The following RBFOX1 variants were observed in gnomAD, a reference collection of about 807,000 sequenced individuals.
RBFOX1 encodes the protein RNA binding fox-1 homolog 1, also known as RNA binding protein fox-1 homolog 1.
Under a neutral mutation model 57.7 loss-of-function variants are expected in RBFOX1, and 8 were observed. The ratio of observed to expected loss-of-function variants is 0.14; its 90% CI spans 0.08 to 0.25. RBFOX1 has a LOEUF of 0.25. Ranked by LOEUF, RBFOX1 falls within the 10% of genes least tolerant of loss-of-function variation. RBFOX1 has a pLI of 1.00. For synonymous variants in RBFOX1, 326 were observed against 222.4 expected, an observed-to-expected ratio of 1.47 and a Z score of -4.15; for missense variants, 611 against 548.5, an observed-to-expected ratio of 1.11 and a Z score of -1.14.
intron 3 of RBFOX1, among the ~76,000 whole-genome samples, chr16:6,921,114 G>C (rs1033469595): frequency 1.3e-5 from 2 of 152,108 alleles, no homozygotes; most frequent in Non-Finnish European, 2.9e-5. Flanking sequence ...CCATTGATAA[G>C]TTTCCTAAAC....
chr16:6,405,387 G>A (rs1168706386), intron 2 of RBFOX1, among the ~76,000 whole-genome samples: 1 of 152,210 alleles, frequency 6.6e-6, no homozygotes, highest in Non-Finnish European at 1.5e-5. Context: ...TATGTCCAGT[G>A]TTGGGCATTG....
intron 5 of RBFOX1, among the ~76,000 whole-genome samples, chr16:7,546,157 T>C (rs2084454217): frequency 6.6e-6 from 1 of 151,700 alleles, no homozygotes; most frequent in Non-Finnish European, 1.5e-5. Context: ...TGAAACCCTG[T>C]CTCTACTAAA....
At chr16:5,898,061 C>T (rs375074700) in intron 4 of RBFOX1, among the ~76,000 whole-genome samples, 1 of 152,008 alleles carries the variant, frequency 6.6e-6, no homozygotes, top group Non-Finnish European at 1.5e-5. Flanking sequence ...ACTGGGTAGG[C>T]CTCAGGAATC....
chr16:5,823,319 A>T (rs1374207195), intron 3 of RBFOX1, among the ~76,000 whole-genome samples: 1 of 152,202 alleles, frequency 6.6e-6, no homozygotes, highest in Non-Finnish European at 1.5e-5. Context: ...AAATAACTGA[A>T]TACCAGATGG....
chr16:5,792,329 A>T (rs1249287537), intron 3 of RBFOX1, among the ~76,000 whole-genome samples: 1 of 152,138 alleles, frequency 6.6e-6, no homozygotes, highest in Admixed American at 6.5e-5. Flanking sequence ...AGCTACATAT[A>T]CAGTTGACTC....
At chr16:6,738,582 C>G (rs1034375968) in intron 3 of RBFOX1, among the ~76,000 whole-genome samples, 3 of 152,138 alleles carry the variant, frequency 2.0e-5, no homozygotes, top group African/African-American at 7.2e-5. Context: ...TATAGAATGA[C>G]TGTATAGGAC....
In RBFOX1 at chr16:6,785,163, G is replaced by A. The variant is rs977080061; in HGVS notation, c.-16+130513G>A. Among the ~76,000 whole-genome samples, 4 of 152,084 alleles carry A rather than the reference G, an allele frequency of 2.6e-5. No individual in the cohort carries two copies. The South Asian group carries it at 8.3e-4, about 32-fold the overall frequency. ...GTTATATTTCATTTCTGAACAAAGA[G>A]ATCTACGAGATCTGGTCTGCTCTGG... is the stretch of plus-strand genomic sequence containing the variant. On this transcript the variant is annotated intron_variant, in intron 3 of 15. Coordinates refer to ENST00000550418, the MANE Select transcript of RBFOX1 (RefSeq NM_018723.4).
intron 1 of RBFOX1, among the ~76,000 whole-genome samples, chr16:5,361,576 G>A (rs497777): frequency 0.88 from 133,908 of 152,236 alleles, 59,121 homozygotes; most frequent in Non-Finnish European, 0.92. Flanking sequence ...AAAGTTAAGA[G>A]TTTCAAGACA....
intron 3 of RBFOX1, among the ~76,000 whole-genome samples, chr16:5,661,952 A>AT (rs1347057920): frequency 2.6e-5 from 4 of 152,030 alleles, no homozygotes; most frequent in East Asian, 3.9e-4. Flanking sequence ...AGCACAGCTA[A>AT]TTTTTTGTAT....
At chr16:7,349,401 A>C (rs940425378) in intron 4 of RBFOX1, among the ~76,000 whole-genome samples, 2 of 152,212 alleles carry the variant, frequency 1.3e-5, no homozygotes, top group Non-Finnish European at 2.9e-5. Context: ...AATTCCCCTA[A>C]GTCCTCAAAG....
chr16:6,822,101 G>A (rs1232380686), intron 3 of RBFOX1, among the ~76,000 whole-genome samples: 1 of 152,124 alleles, frequency 6.6e-6, no homozygotes, highest in Non-Finnish European at 1.5e-5. Flanking sequence ...TTTTTCTGCA[G>A]CTACTGGGGG....
chr16:7,687,680 C>G (rs1230138771), intron 14 of RBFOX1, among the ~76,000 whole-genome samples: 1 of 151,976 alleles, frequency 6.6e-6, no homozygotes, highest in Non-Finnish European at 1.5e-5. Context: ...AAAAAGGAAG[C>G]AACCTGGTAA....
chr16:6,748,514 A>C (rs1207328519), intron 3 of RBFOX1, among the ~76,000 whole-genome samples: 1 of 152,056 alleles, frequency 6.6e-6, no homozygotes, highest in Non-Finnish European at 1.5e-5. Context: ...TAAAGATAAA[A>C]AATTAGCTGG....
chr16:7,701,227 A>C (rs1046751423), intron 14 of RBFOX1, among the ~76,000 whole-genome samples: 1 of 152,086 alleles, frequency 6.6e-6, no homozygotes, highest in African/African-American at 2.4e-5. Context: ...TAGTTTTATC[A>C]TTTTTGGAGA....
At chr16:6,346,390 C>T (rs1181408624) in intron 2 of RBFOX1, among the ~76,000 whole-genome samples, 2 of 152,148 alleles carry the variant, frequency 1.3e-5, no homozygotes, top group Non-Finnish European at 2.9e-5. Context: ...AAGTGAAAGC[C>T]TAACTTGGGA....
At chr16:5,380,765 T>C (rs527675387) in intron 1 of RBFOX1, among the ~76,000 whole-genome samples, 1 of 152,234 alleles carries the variant, frequency 6.6e-6, no homozygotes, top group Non-Finnish European at 1.5e-5. Flanking sequence ...CAGGAGTCTC[T>C]GCTTTGAAAC....
At chr16:5,289,894 T>C (rs2063492407) in intron 1 of RBFOX1, among the ~76,000 whole-genome samples, 1 of 152,188 alleles carries the variant, frequency 6.6e-6, no homozygotes, top group African/African-American at 2.4e-5. Context: ...GAAATGAAAA[T>C]ATATGTCCAT....
intron 4 of RBFOX1, among the ~76,000 whole-genome samples, chr16:7,259,467 G>T (rs991101717): frequency 4.6e-5 from 7 of 151,522 alleles, no homozygotes; most frequent in Admixed American, 3.3e-4. Context: ...AAATATTGCA[G>T]CCATTTGCAT....
chr16:7,001,814 T>C (rs1178235437), intron 3 of RBFOX1, among the ~76,000 whole-genome samples: 8 of 152,200 alleles, frequency 5.3e-5, no homozygotes, highest in Admixed American at 5.2e-4. Flanking sequence ...TTGGGAGATT[T>C]TGTGAACATC....
Sources: gnomAD v4.1 joint callset for allele counts (sites outside exome capture counted in the v4.1 genomes callset) on GRCh38, gnomAD v4.1.1 for gene constraint, MANE v1.5 for transcripts, NCBI Gene and HGNC (gene_info 2026-07-23, HGNC 2026-07-21) for gene names.